Variants in TMEM135 observed in about 807,000 individuals in gnomAD.
TMEM135 encodes the protein transmembrane protein 135, also known as peroxisomal membrane protein 52.
In TMEM135, 30 loss-of-function variants were observed where a neutral mutation model predicts 60.3. The observed-to-expected ratio is 0.50, with a 90% CI of 0.37 to 0.68. The LOEUF is 0.68. Ranked by LOEUF, TMEM135 falls within the 30% of genes least tolerant of loss-of-function variation. The pLI, the probability that TMEM135 is intolerant of heterozygous loss-of-function variation, is 0.00. For synonymous variants in TMEM135, 190 were observed against 186.7 expected, an observed-to-expected ratio of 1.02 and a Z score of -0.14; for missense variants, 468 against 548.8, an observed-to-expected ratio of 0.85 and a Z score of 1.47.
chr11:87,135,633 A>T (rs1329637592), intron 4 of TMEM135, among the ~76,000 whole-genome samples: 1 of 151,914 alleles, frequency 6.6e-6, no homozygotes, highest in Non-Finnish European at 1.5e-5. Flanking sequence ...TGCGGTCTTG[A>T]TAACTGTAGG....
intron 6 of TMEM135, among the ~76,000 whole-genome samples, chr11:87,261,420 G>A (rs910100055): frequency 1.3e-5 from 2 of 152,090 alleles, no homozygotes; most frequent in South Asian, 2.1e-4. Context: ...AAAATTTCTC[G>A]TTAATTAATG....
intron 6 of TMEM135, among the ~76,000 whole-genome samples, chr11:87,283,806 C>T (rs765643204): frequency 2.6e-5 from 4 of 152,150 alleles, no homozygotes; most frequent in East Asian, 3.9e-4. Flanking sequence ...TGCAGTGAGC[C>T]GAGATCGCGT....
At chr11:87,071,772 A>G (rs966744238) in intron 3 of TMEM135, among the ~76,000 whole-genome samples, 157 bp downstream of exon 3, 3 of 151,834 alleles carry the variant, frequency 2.0e-5, no homozygotes, top group Non-Finnish European at 4.4e-5. Context: ...ATTTTATATT[A>G]ATGTTTATAT....
At position 87,322,944 on chromosome 11, in the gene TMEM135, C is replaced by T. The variant is rs1218544352; in HGVS notation, c.*1611C>T. 1 of 454,176 alleles carries T rather than the reference C, an allele frequency of 2.2e-6. No individual in the cohort carries two copies. Among genetic ancestry groups the T allele is most frequent in the South Asian group, 1.6e-5 (1 of 64,450 alleles). 28.1% of individuals were successfully genotyped at this position (454,176 alleles called of 1,614,324 possible). A position where few individuals can be genotyped will look rare whatever the true frequency, so the allele number is the denominator to read the frequency against. ...TTCAAAGTTGATTAATAAATTTAATCTTAACTTTTTATTCACTGGAATCAA... is the reference window on the plus strand; with the variant it reads ...TTCAAAGTTGATTAATAAATTTAATTTTAACTTTTTATTCACTGGAATCAA... On this transcript the variant is annotated 3_prime_UTR_variant, in exon 15 of 15. Coordinates refer to ENST00000305494, the MANE Select transcript of TMEM135 (RefSeq NM_022918.4).
chr11:87,113,574 A>G (rs1337932518), intron 4 of TMEM135, among the ~76,000 whole-genome samples: 1 of 152,256 alleles, frequency 6.6e-6, no homozygotes, highest in East Asian at 1.9e-4. Context: ...CCTGGTAAAC[A>G]TGAAGAGACA....
chr11:87,203,654 A>G (rs1940172649), intron 5 of TMEM135, among the ~76,000 whole-genome samples: 1 of 152,220 alleles, frequency 6.6e-6, no homozygotes, highest in African/African-American at 2.4e-5. Context: ...TTAGGAATAG[A>G]GCTCTAATAA....
chr11:87,146,460 A>G (rs1301161653), intron 4 of TMEM135, among the ~76,000 whole-genome samples: 2 of 152,094 alleles, frequency 1.3e-5, no homozygotes, highest in Non-Finnish European at 2.9e-5. Flanking sequence ...ATTTTTTAGA[A>G]AATAAAACTG....
chr11:87,073,506 G>A (rs1220880680), intron 3 of TMEM135, among the ~76,000 whole-genome samples: 1 of 152,108 alleles, frequency 6.6e-6, no homozygotes, highest in Non-Finnish European at 1.5e-5. Flanking sequence ...GTAATTCCAG[G>A]AACATAGGTT....
At chr11:87,115,200 C>T (rs1228865454) in intron 4 of TMEM135, among the ~76,000 whole-genome samples, 1 of 152,076 alleles carries the variant, frequency 6.6e-6, no homozygotes, top group East Asian at 1.9e-4. Context: ...TAAGAAACAT[C>T]TCTCTGCTAT....
intron 6 of TMEM135, among the ~76,000 whole-genome samples, chr11:87,282,171 C>A (rs1195468193): frequency 6.6e-6 from 1 of 152,040 alleles, no homozygotes. Context: ...GAGAAGCCAG[C>A]ATGAAGTCTT....
intron 4 of TMEM135, among the ~76,000 whole-genome samples, chr11:87,120,594 C>T (rs184931966): frequency 9.9e-5 from 15 of 150,904 alleles, no homozygotes; most frequent in African/African-American, 3.2e-4. Flanking sequence ...GCCTCAGCCT[C>T]GTAGTTGGGA....
chr11:87,146,997 T>C (rs1187992067), intron 4 of TMEM135, among the ~76,000 whole-genome samples: 3 of 152,122 alleles, frequency 2.0e-5, no homozygotes, highest in Non-Finnish European at 4.4e-5. Context: ...TATAAGATGA[T>C]GCCTACGTGA....
At chr11:87,209,261 G>C (rs190273163) in intron 5 of TMEM135, among the ~76,000 whole-genome samples, 2 of 152,230 alleles carry the variant, frequency 1.3e-5, no homozygotes, top group Admixed American at 1.3e-4. Flanking sequence ...GGGGCAAGTT[G>C]GATAAAGAAG....
intron 5 of TMEM135, among the ~76,000 whole-genome samples, chr11:87,219,559 G>T (rs531931190): frequency 2.0e-5 from 3 of 152,088 alleles, no homozygotes; most frequent in Admixed American, 2.0e-4. Flanking sequence ...GCTCTCTCTG[G>T]TGTTGCTTCC....
intron 5 of TMEM135, among the ~76,000 whole-genome samples, chr11:87,218,696 T>A (rs1362034233): frequency 6.6e-6 from 1 of 152,132 alleles, no homozygotes; most frequent in African/African-American, 2.4e-5. Flanking sequence ...GCGCGGTGGC[T>A]CATGCCTGTA....
Position 87,328,264 on chromosome 11 carries a change from T to C in TMEM135, c.*6931T>C, listed in dbSNP as rs946173300. 2.0e-5 allele frequency: 9 copies of C among 454,016 alleles called. No homozygotes were observed. Among genetic ancestry groups the C allele is most frequent in the Admixed American group, 1.9e-4 (8 of 42,556 alleles). The allele number at this position is 454,016 out of a possible 1,614,324, so 28.1% of individuals were successfully genotyped here. On this transcript the variant is annotated 3_prime_UTR_variant, in exon 15 of 15. Transcript: ENST00000305494. ...TTTTTCTCCACTCTTCTGTGTATGC[T>C]AAAATACTGTCAATCTCGTCTTTGA...
intron 5 of TMEM135, among the ~76,000 whole-genome samples, chr11:87,209,302 G>A (rs1163078987): frequency 1.3e-5 from 2 of 152,084 alleles, no homozygotes; most frequent in Non-Finnish European, 2.9e-5. Flanking sequence ...TTCTTCAAGA[G>A]ACCCATATCA....
At chr11:87,091,016 A>G (rs1375259827) in intron 3 of TMEM135, among the ~76,000 whole-genome samples, 2 of 152,044 alleles carry the variant, frequency 1.3e-5, no homozygotes, top group African/African-American at 2.4e-5. Flanking sequence ...AGAATTCTTT[A>G]TTACAAAATT....
At chr11:87,114,844 C>G (rs570653244) in intron 4 of TMEM135, among the ~76,000 whole-genome samples, 26 of 152,282 alleles carry the variant, frequency 1.7e-4, no homozygotes, top group African/African-American at 6.3e-4. Flanking sequence ...CACTAGTCAA[C>G]CGAGGATGCA....
Sources: allele counts gnomAD v4.1 joint callset (sites outside exome capture counted in the v4.1 genomes callset), GRCh38; gene constraint gnomAD v4.1.1; transcripts MANE v1.5; gene names NCBI Gene and HGNC (gene_info 2026-07-23, HGNC 2026-07-21).